The following NSUN3 variants were observed in gnomAD, a reference collection of about 807,000 sequenced individuals.
NSUN3 encodes the protein tRNA (cytosine(34)-C(5))-methyltransferase, mitochondrial.
NSUN3 carries 24 observed loss-of-function variants against 36.8 expected under a neutral mutation model. That is an observed-to-expected ratio of 0.65 (90% CI 0.47 to 0.92). NSUN3 has a LOEUF of 0.92. Among genes scored for constraint, NSUN3 ranks in the 40% least tolerant of loss-of-function variants. NSUN3 has a pLI of 0.00. For missense variants in NSUN3, 381 were observed against 392.8 expected, an observed-to-expected ratio of 0.97 and a Z score of 0.25; for synonymous variants, 146 against 145.2, an observed-to-expected ratio of 1.01 and a Z score of -0.04.
Position 94,095,163 on chromosome 3 carries a change from T to C in NSUN3, c.743+9T>C. ...CAGATAGAGCTGTTAAGGTAAGGACTGTTAATACAAAAGTGTATTTTGGTG... is the reference window on the plus strand; with the variant it reads ...CAGATAGAGCTGTTAAGGTAAGGACCGTTAATACAAAAGTGTATTTTGGTG... On this transcript the variant is annotated intron_variant, in intron 5 of 5. Coordinates refer to ENST00000314622, the MANE Select transcript of NSUN3 (RefSeq NM_022072.5). 1.9e-6 allele frequency: 3 copies of C among 1,611,512 alleles called. No individual in the cohort carries two copies. The highest frequency in any genetic ancestry group is 2.5e-6 in the Non-Finnish European group (3 of 1,178,266).
chr3:94,078,134 G>A (rs1280629704), intron 2 of NSUN3, among the ~76,000 whole-genome samples: 1 of 152,164 alleles, frequency 6.6e-6, no homozygotes, highest in African/African-American at 2.4e-5. Context: ...ATTCTGGTAT[G>A]TTGTGTCTTT....
intron 5 of NSUN3, among the ~76,000 whole-genome samples, chr3:94,121,619 G>T (rs1416969251): frequency 6.6e-6 from 1 of 152,044 alleles, no homozygotes; most frequent in East Asian, 1.9e-4. Flanking sequence ...TATTTAGAGG[G>T]CAGTGAATAG....
At chr3:94,126,179 C>G in intron 5 of NSUN3, 32 bp from the exon 6 acceptor site, 1 of 1,577,414 alleles carries the variant, frequency 6.3e-7, no homozygotes, top group Non-Finnish European at 8.6e-7. Flanking sequence ...ATATACTTAA[C>G]TAATCTTTTG....
intron 3 of NSUN3, among the ~76,000 whole-genome samples, chr3:94,085,995 G>A (rs2077291122): frequency 6.7e-6 from 1 of 149,390 alleles, no homozygotes; most frequent in Non-Finnish European, 1.5e-5. Flanking sequence ...CCAGGCTGCA[G>A]TGCAGTGGCG....
chr3:94,100,377 C>G (rs1223632866), intron 5 of NSUN3, among the ~76,000 whole-genome samples: 2 of 152,080 alleles, frequency 1.3e-5, no homozygotes, highest in African/African-American at 2.4e-5. Flanking sequence ...AAGCCAGAAA[C>G]AGAAAGATAG....
chr3:94,070,479 A>C (rs538536560), intron 2 of NSUN3, among the ~76,000 whole-genome samples: 10 of 152,216 alleles, frequency 6.6e-5, no homozygotes, highest in Non-Finnish European at 1.5e-4. Flanking sequence ...AGAAGACAAA[A>C]CAGACTTAGC....
intron 2 of NSUN3, among the ~76,000 whole-genome samples, chr3:94,066,758 T>G (rs2077205316): frequency 6.6e-6 from 1 of 152,340 alleles, no homozygotes; most frequent in Non-Finnish European, 1.5e-5. Context: ...GCAACTTCAG[T>G]TACTTGGCAA....
At chr3:94,125,685 T>G (rs1305452839) in intron 5 of NSUN3, among the ~76,000 whole-genome samples, 8 of 152,228 alleles carry the variant, frequency 5.3e-5, no homozygotes, top group Non-Finnish European at 2.9e-5. Context: ...AATCAACCAG[T>G]CTAACTTACT....
chr3:94,126,504 A>G lies in NSUN3; in HGVS notation c.*14A>G. 2 of 1,601,198 alleles carry G rather than the reference A, an allele frequency of 1.2e-6. No homozygotes were observed. The highest frequency in any genetic ancestry group is 1.7e-6 in the Non-Finnish European group (2 of 1,170,112). On this transcript the variant is annotated 3_prime_UTR_variant, in exon 6 of 6. Coordinates refer to ENST00000314622, the MANE Select transcript of NSUN3 (RefSeq NM_022072.5). ...GGAAAATGGTGACATGAATTTGTAA[A>G]CTGTGTTTATGTGTTATTATATTTA...
intron 4 of NSUN3, among the ~76,000 whole-genome samples, 178 bp from the exon 5 acceptor site, chr3:94,094,855 G>C (rs1258338524): frequency 6.6e-6 from 1 of 152,148 alleles, no homozygotes; most frequent in East Asian, 1.9e-4. Flanking sequence ...TTTCTGAAAA[G>C]TGTTAGTGAG....
chr3:94,076,435 A>G (rs1361431428), intron 2 of NSUN3: 1 of 792,336 alleles, frequency 1.3e-6, no homozygotes, highest in Admixed American at 1.7e-5. Flanking sequence ...GTTTCTGATG[A>G]TCAGCAACTG....
intron 2 of NSUN3, chr3:94,076,515 T>A: frequency 3.8e-6 from 3 of 789,556 alleles, no homozygotes; most frequent in Non-Finnish European, 7.0e-6. Context: ...CCTGTAAAGA[T>A]GGTCTTTGCA....
At chr3:94,084,491 T>A (rs373229776) in intron 3 of NSUN3, 41 bp downstream of exon 3, 1 of 1,429,454 alleles carries the variant, frequency 7.0e-7, no homozygotes, top group African/African-American at 1.4e-5. Context: ...CTTTTTAATA[T>A]CTGTATGTTA....
chr3:94,104,857 C>T (rs1411627024), intron 5 of NSUN3, among the ~76,000 whole-genome samples: 1 of 152,132 alleles, frequency 6.6e-6, no homozygotes, highest in African/African-American at 2.4e-5. Flanking sequence ...TAGAAGAAAG[C>T]AGTCTTCAAA....
intron 2 of NSUN3, chr3:94,076,866 C>G: frequency 2.6e-6 from 4 of 1,542,960 alleles, no homozygotes; most frequent in Non-Finnish European, 3.6e-6. Flanking sequence ...CCAAATTCTC[C>G]TTTCTCACTG....
chr3:94,074,578 A>T (rs1372784357), intron 2 of NSUN3, among the ~76,000 whole-genome samples: 1 of 152,130 alleles, frequency 6.6e-6, no homozygotes, highest in African/African-American at 2.4e-5. Flanking sequence ...TGTGGATGGG[A>T]GTTCACTCAT....
rs1370748918 is a variant in NSUN3, at chr3:94,126,799, G to GTTC, written c.*311_*313dup. ...TGTGGTTTTATGCATAACGTGTTTA[G>GTTC]TTCTGTATTCTTTCTATGATAGTGC... On this transcript the variant is annotated 3_prime_UTR_variant, in exon 6 of 6. Coordinates refer to ENST00000314622, the MANE Select transcript of NSUN3 (RefSeq NM_022072.5). The GTTC allele has an allele frequency of 1.3e-5, 3 of 226,080 alleles. No homozygotes were observed. The highest frequency in any genetic ancestry group is 4.6e-5 in the African/African-American group (2 of 43,650). 14.0% of individuals were successfully genotyped at this position (226,080 alleles called of 1,614,324 possible).
At chr3:94,063,550 G>A (rs919086058) in intron 1 of NSUN3, among the ~76,000 whole-genome samples, 1 of 151,860 alleles carries the variant, frequency 6.6e-6, no homozygotes, top group Admixed American at 6.5e-5. Context: ...TTAAAATAAC[G>A]TTGCAAAGAT....
intron 2 of NSUN3, among the ~76,000 whole-genome samples, chr3:94,065,830 C>T (rs550269488): frequency 6.6e-6 from 1 of 152,218 alleles, no homozygotes; most frequent in Admixed American, 6.5e-5. Flanking sequence ...TACAAAGGTA[C>T]TCAAATAGAG....
Sources: gnomAD v4.1 joint callset for allele counts (sites outside exome capture counted in the v4.1 genomes callset) on GRCh38, gnomAD v4.1.1 for gene constraint, MANE v1.5 for transcripts, NCBI Gene and HGNC (gene_info 2026-07-23, HGNC 2026-07-21) for gene names.